SPAG5: variants seen among roughly 807,000 people sequenced by gnomAD.
SPAG5 encodes the protein sperm associated antigen 5.
A neutral mutation model predicts 145.4 loss-of-function variants in SPAG5; 99 were observed. That is an observed-to-expected ratio of 0.68 (90% CI 0.58 to 0.80). SPAG5 has a LOEUF of 0.80. SPAG5 is among the 30% of genes least tolerant of loss of function. The pLI, the probability that SPAG5 is intolerant of heterozygous loss-of-function variation, is 0.00. For synonymous variants in SPAG5, 477 were observed against 525.4 expected, an observed-to-expected ratio of 0.91 and a Z score of 1.26; for missense variants, 1,192 against 1,416.0, an observed-to-expected ratio of 0.84 and a Z score of 2.54.
chr17:28,577,792 G>A (rs775232728), intron 23 of SPAG5, 22 bp from the exon 24 acceptor site: 10 of 1,600,436 alleles, frequency 6.2e-6, no homozygotes, highest in Middle Eastern at 1.7e-4. Context: ...GGCAGAAAAC[G>A]CAGCTCAGGA....
At position 28,579,778 on chromosome 17, in the gene SPAG5, C is replaced by T; in HGVS notation, c.2857G>A (p.Ala953Thr). Residue 953 changes from alanine (A) to threonine (T), a missense_variant, in exon 17 of 24, where the codon GCA becomes ACA. By Grantham distance (58) the Ala-to-Thr change is moderately conservative (BLOSUM62 0). Around this residue, in one of 5 missense-constraint regions of SPAG5, gnomAD observed 709 missense variants for 840.7 expected, o/e 0.84. Coordinates refer to ENST00000321765, the MANE Select transcript of SPAG5 (RefSeq NM_006461.4). The part of the protein sequence containing the change: ...GSDKSAFTRV[A>T]SMVSLQPAET... ...GCGGGCTGAAGGGAAACCATTGATG[C>T]TACTCGGGTGAAAGCACTCTTGTCA... The T allele has an allele frequency of 6.2e-7, 1 of 1,614,204 alleles. No homozygotes were observed. Among genetic ancestry groups the T allele is most frequent in the Non-Finnish European group, 8.5e-7 (1 of 1,180,022 alleles).
chr17:28,590,171 T>A (rs1447388966), intron 4 of SPAG5, among the ~76,000 whole-genome samples: 1 of 152,176 alleles, frequency 6.6e-6, no homozygotes, highest in Non-Finnish European at 1.5e-5. Flanking sequence ...CTTCCCCTTA[T>A]TAGTTCGTAT....
chr17:28,584,183 G>C lies in SPAG5; in HGVS notation c.2379C>G (p.Ala793=), dbSNP rs1157750610. 6.2e-7 allele frequency: 1 copy of C among 1,614,008 alleles called. No homozygotes were observed. Among genetic ancestry groups the C allele is most frequent in the African/African-American group, 1.3e-5 (1 of 75,044 alleles). Residue 793 remains alanine, a synonymous_variant, in exon 13 of 24, where the codon GCC becomes GCG. Transcript: ENST00000321765. ...TCTCTTTCAGGTCCCGCACCTCTTTGGCCAGGACAGCTTGTTGCTGCTGCA... is the reference window on the plus strand; with the variant it reads ...TCTCTTTCAGGTCCCGCACCTCTTTCGCCAGGACAGCTTGTTGCTGCTGCA... ...AELQQQQAVL[A]KEVRDLKETL...
chr17:28,598,878 C>G lies in SPAG5; in HGVS notation c.51+18G>C. The G allele has an allele frequency of 6.2e-7, 1 of 1,613,872 alleles. No individual in the cohort carries two copies. Among genetic ancestry groups the G allele is most frequent in the Non-Finnish European group, 8.5e-7 (1 of 1,179,768 alleles). Reference sequence around the variant, plus strand: ...AGCAGCCCGGCCCAGTTCTCTCCGCCAGAGATCTCCCGCTTACCGTCTGGG... The same window carrying G: ...AGCAGCCCGGCCCAGTTCTCTCCGCGAGAGATCTCCCGCTTACCGTCTGGG... On this transcript the variant is annotated intron_variant, in intron 1 of 23. Transcript: ENST00000321765.
chr17:28,577,791 C>T (rs1422178602), intron 23 of SPAG5, 21 bp from the exon 24 acceptor site: 6 of 1,602,968 alleles, frequency 3.7e-6, no homozygotes, highest in African/African-American at 1.3e-5. Flanking sequence ...AGGCAGAAAA[C>T]GCAGCTCAGG....
intron 15 of SPAG5, chr17:28,580,830 C>T (rs2070545164): frequency 6.6e-6 from 1 of 152,252 alleles, no homozygotes; most frequent in African/African-American, 2.4e-5. Flanking sequence ...CTTCAAACTT[C>T]CCTTCCACAT....
intron 1 of SPAG5, 128 bp from the exon 2 acceptor site, chr17:28,598,763 G>T: frequency 6.6e-7 from 1 of 1,510,204 alleles, no homozygotes; most frequent in Non-Finnish European, 9.1e-7. Flanking sequence ...TCGCGCAGGA[G>T]CAGCAAGGCG....
At chr17:28,586,331 C>A (rs753811896) in intron 5 of SPAG5, 94 bp downstream of exon 5, 11 of 1,236,972 alleles carry the variant, frequency 8.9e-6, no homozygotes, top group Non-Finnish European at 1.3e-5. Flanking sequence ...TTCACCACCA[C>A]GACTTAGTAT....
intron 5 of SPAG5, 21 bp downstream of exon 5, chr17:28,586,404 G>T (rs766935589): frequency 6.3e-7 from 1 of 1,588,752 alleles, no homozygotes; most frequent in Admixed American, 1.7e-5. Flanking sequence ...CAGTGGTGGT[G>T]TAAGGTCAAT....
At chr17:28,587,446 T>C (rs1038347537) in intron 4 of SPAG5, among the ~76,000 whole-genome samples, 1 of 151,776 alleles carries the variant, frequency 6.6e-6, no homozygotes, top group African/African-American at 2.4e-5. Flanking sequence ...CTCCGGAGGC[T>C]GAGGCAGGAG....
Position 28,592,116 on chromosome 17 carries a change from A to G in SPAG5, c.1128T>C (p.Thr376=). ...CCACCGAGCAAGTAGAGAAAGGGGT[A>G]GTGCCAATTGCAGCATCCCGAAGCA... is the stretch of plus-strand genomic sequence containing the variant. ...PSMLRDAAIG[T]TPFSTCSVGT... Residue 376 remains threonine, a synonymous_variant, in exon 3 of 24, where the codon ACT becomes ACC. Coordinates refer to ENST00000321765, the MANE Select transcript of SPAG5 (RefSeq NM_006461.4). The G allele has an allele frequency of 3.1e-6, 5 of 1,614,194 alleles. No homozygotes were observed. Among genetic ancestry groups the G allele is most frequent in the Non-Finnish European group, 4.2e-6 (5 of 1,180,034 alleles).
chr17:28,587,122 T>G lies in SPAG5; in HGVS notation c.1438-623A>C, dbSNP rs1439633230. 2.0e-5 allele frequency among the ~76,000 whole-genome samples: 3 copies of G among 152,050 alleles called. No individual in the cohort carries two copies. In the East Asian group the frequency reaches 5.8e-4, roughly 29 times the overall value. ...AAAAATCCACAGGTAGGTAAAAAAT[T>G]TCTTTGTTTAGCCAGGCACAGTGAC... On this transcript the variant is annotated intron_variant, in intron 4 of 23. Transcript: ENST00000321765.
At chr17:28,587,649 T>C (rs1567625272) in intron 4 of SPAG5, among the ~76,000 whole-genome samples, 1 of 139,172 alleles carries the variant, frequency 7.2e-6, no homozygotes, top group Non-Finnish European at 1.5e-5. Context: ...GCCCAGGAGG[T>C]AGAGGCTGCA....
At chr17:28,581,803 G>GT (rs943742218) in intron 15 of SPAG5, among the ~76,000 whole-genome samples, 1 of 152,156 alleles carries the variant, frequency 6.6e-6, no homozygotes, top group African/African-American at 2.4e-5. Context: ...TCCCGTCTGG[G>GT]TGTCTGAGTT....
Position 28,592,011 on chromosome 17 carries a change from A to T in SPAG5, c.1233T>A (p.Ser411Arg). 1 of 1,614,150 alleles carries T rather than the reference A, an allele frequency of 6.2e-7. No individual in the cohort carries two copies. The highest frequency in any genetic ancestry group is 8.5e-7 in the Non-Finnish European group (1 of 1,180,014). ...SQTGLVGTKH[S>R]TSETEQLLCG... ...ACAGGAGCTGCTCTGTCTCAGAAGTACTGTGCTTGGTGCCAACCAGGCCTG... is the reference window on the plus strand; with the variant it reads ...ACAGGAGCTGCTCTGTCTCAGAAGTTCTGTGCTTGGTGCCAACCAGGCCTG... Residue 411 changes from serine (S) to arginine (R), a missense_variant, in exon 3 of 24, where the codon AGT becomes AGA. By Grantham distance (110) the Ser-to-Arg change is moderately radical. This residue lies in a region of SPAG5 where 125 missense variants were observed against 143.8 expected (regional missense o/e 0.87). Transcript: ENST00000321765.
At chr17:28,595,022 G>A (rs987092005) in intron 2 of SPAG5, among the ~76,000 whole-genome samples, 1 of 152,054 alleles carries the variant, frequency 6.6e-6, no homozygotes, top group Non-Finnish European at 1.5e-5. Context: ...CACTTTGGGA[G>A]GCTGAGGCGG....
chr17:28,590,875 A>AAAAAAAAAAAAAAAAAAAAC (rs2070616357), intron 4 of SPAG5, among the ~76,000 whole-genome samples: 1 of 150,248 alleles, frequency 6.7e-6, no homozygotes, highest in African/African-American at 2.4e-5. Context: ...TCTCAAAAAA[A>AAAAAAAAAAAAAAAAAAAAC]AAAAAAAAAA....
At position 28,584,200 on chromosome 17, in the gene SPAG5, G is replaced by T. The variant is rs767284655; in HGVS notation, c.2362C>A (p.Gln788Lys). Residue 788 changes from glutamine to lysine, a missense_variant, in exon 13 of 24, where the codon CAA (glutamine) becomes AAA (lysine). Gln to Lys is a moderately conservative substitution (Grantham distance 53, BLOSUM62 1). Around this residue, in one of 5 missense-constraint regions of SPAG5, gnomAD observed 709 missense variants for 840.7 expected, o/e 0.84. Coordinates refer to ENST00000321765, the MANE Select transcript of SPAG5 (RefSeq NM_006461.4). ...LKHMQAELQQQQAVLAKEVRD... is the reference protein window; with the variant it reads ...LKHMQAELQQKQAVLAKEVRD... The stretch of plus-strand genomic sequence containing the variant: ...ACCTCTTTGGCCAGGACAGCTTGTT[G>T]CTGCTGCAGTTCTGCCTGCATGTGT... The T allele has an allele frequency of 1.9e-4, 304 of 1,613,844 alleles. No homozygotes were observed. The highest frequency in any genetic ancestry group is 2.3e-4 in the Non-Finnish European group (272 of 1,180,032).
intron 2 of SPAG5, among the ~76,000 whole-genome samples, chr17:28,594,412 G>A (rs189610714): frequency 0.021 from 3,161 of 152,184 alleles, 40 homozygotes; most frequent in Middle Eastern, 0.031. Flanking sequence ...TGGCTAACAC[G>A]ATGAAACCCC....
Sources: gnomAD v4.1 joint callset for allele counts (sites outside exome capture counted in the v4.1 genomes callset) on GRCh38, gnomAD v4.1.1 for gene constraint, gnomAD v4.1.1 regional missense constraint, MANE v1.5 for transcripts, NCBI Gene and HGNC (gene_info 2026-07-23, HGNC 2026-07-21) for gene names.